NUSAP1: variants seen among roughly 807,000 people sequenced by gnomAD.
The protein encoded by NUSAP1 is nucleolar and spindle associated protein 1.
Under a neutral mutation model 52.8 loss-of-function variants are expected in NUSAP1, and 32 were observed. The observed-to-expected ratio is 0.61, with a 90% CI of 0.46 to 0.81. The LOEUF is 0.81. NUSAP1 is among the 40% of genes least tolerant of loss of function. The probability of loss-of-function intolerance (pLI) is 0.00; values close to 1 mark genes in which losing one functional copy is unlikely to be tolerated. For synonymous variants in NUSAP1, 195 were observed against 183.1 expected, an observed-to-expected ratio of 1.06 and a Z score of -0.52; for missense variants, 499 against 522.3, an observed-to-expected ratio of 0.96 and a Z score of 0.43.
intron 7 of NUSAP1, among the ~76,000 whole-genome samples, chr15:41,369,645 T>A (rs144461101): frequency 6.6e-6 from 1 of 151,192 alleles, no homozygotes; most frequent in Non-Finnish European, 1.5e-5. Flanking sequence ...CGAAACATTG[T>A]CTAAAAAAAA....
intron 6 of NUSAP1, among the ~76,000 whole-genome samples, chr15:41,361,195 A>G (rs1595573648): frequency 6.6e-6 from 1 of 152,064 alleles, no homozygotes; most frequent in African/African-American, 2.4e-5. Flanking sequence ...GGGGTTTGAG[A>G]CCAGCCTGAC....
rs762401786 is a variant in NUSAP1, at chr15:41,371,693, A to G, written c.1006+9A>G. ...GGGGAATTCTGCTGCTGGTAAAAAA[A>G]AAAAAAAACAAAAGAAATCTGTTTC... On this transcript the variant is annotated intron_variant, in intron 8 of 10. Coordinates refer to ENST00000559596, the MANE Select transcript of NUSAP1 (RefSeq NM_016359.5). The G allele has an allele frequency of 1.3e-6, 2 of 1,579,298 alleles. No homozygotes were observed. The highest frequency in any genetic ancestry group is 1.2e-5 in the South Asian group (1 of 84,112).
intron 1 of NUSAP1, among the ~76,000 whole-genome samples, chr15:41,337,240 A>G (rs1234112004): frequency 1.3e-5 from 2 of 151,900 alleles, no homozygotes; most frequent in Non-Finnish European, 2.9e-5. Context: ...TCTGGTCTCC[A>G]ACTCCTGAGA....
chr15:41,378,012 G>A (rs538648852), intron 10 of NUSAP1, among the ~76,000 whole-genome samples: 34 of 151,872 alleles, frequency 2.2e-4, no homozygotes, highest in African/African-American at 7.2e-4. Flanking sequence ...AAGTGGTATC[G>A]TGTATATAAC....
intron 6 of NUSAP1, among the ~76,000 whole-genome samples, chr15:41,362,887 T>C (rs2049234264): frequency 6.6e-6 from 1 of 152,096 alleles, no homozygotes. Context: ...GCAGGAAAAA[T>C]GCTTGAAGCC....
intron 6 of NUSAP1, among the ~76,000 whole-genome samples, chr15:41,364,884 G>A (rs1182363022): frequency 6.6e-6 from 1 of 151,560 alleles, no homozygotes; most frequent in Non-Finnish European, 1.5e-5. Flanking sequence ...AAAAAAAAAA[G>A]AAAGAAAATG....
rs143693009 is a variant in NUSAP1 at position 41,349,669 on chromosome 15, G to A, written c.306+428G>A. ...ACATGATTAGCAAGGGGCTTCCCTC[G>A]CTTGCTTTCCGTAGACTCTGGTTTT... On this transcript the variant is annotated intron_variant, in intron 3 of 10. Coordinates refer to ENST00000559596, the MANE Select transcript of NUSAP1 (RefSeq NM_016359.5). 3.8e-3 allele frequency among the ~76,000 whole-genome samples: 578 copies of A among 151,820 alleles called. 3 individuals are homozygous for A. Among genetic ancestry groups the A allele is most frequent in the African/African-American group, 0.013 (546 of 41,428 alleles).
chr15:41,340,543 G>A (rs1349295193), intron 1 of NUSAP1, among the ~76,000 whole-genome samples: 3 of 152,124 alleles, frequency 2.0e-5, no homozygotes, highest in Non-Finnish European at 4.4e-5. Context: ...AATATATGCT[G>A]ATAACTAACA....
At chr15:41,355,827 C>T (rs1050721568) in intron 4 of NUSAP1, among the ~76,000 whole-genome samples, 1 of 151,940 alleles carries the variant, frequency 6.6e-6, no homozygotes, top group Non-Finnish European at 1.5e-5. Context: ...CAGGCGCCCA[C>T]CACCACGCCC....
chr15:41,378,943 G>GTTTTTTTTTTTTTTTT (rs1453721233), intron 10 of NUSAP1, among the ~76,000 whole-genome samples: 1 of 62,824 alleles, frequency 1.6e-5, no homozygotes, highest in Admixed American at 1.8e-4. Flanking sequence ...AACTTATCTT[G>GTTTTTTTTTTTTTTTT]GTTTTTTTTT....
At chr15:41,363,151 G>T (rs1461758744) in intron 6 of NUSAP1, among the ~76,000 whole-genome samples, 1 of 151,846 alleles carries the variant, frequency 6.6e-6, no homozygotes, top group Non-Finnish European at 1.5e-5. Flanking sequence ...GCCAGACGTG[G>T]TGGCAGATGC....
chr15:41,347,987 G>A (rs1170847046), intron 2 of NUSAP1, among the ~76,000 whole-genome samples: 1 of 152,058 alleles, frequency 6.6e-6, no homozygotes, highest in Non-Finnish European at 1.5e-5. Context: ...CTTACGTGTG[G>A]TAACACATAC....
At chr15:41,379,902 C>T (rs1350582453) in intron 10 of NUSAP1, among the ~76,000 whole-genome samples, 191 bp from the exon 11 acceptor site, 1 of 152,130 alleles carries the variant, frequency 6.6e-6, no homozygotes, top group Non-Finnish European at 1.5e-5. Context: ...CAGTTTCTAA[C>T]CCTTTAACAC....
intron 4 of NUSAP1, among the ~76,000 whole-genome samples, chr15:41,354,000 G>A (rs1458472686): frequency 1.3e-5 from 2 of 152,040 alleles, no homozygotes; most frequent in African/African-American, 2.4e-5. Flanking sequence ...ATAAAGAAAC[G>A]ACAGAATTTG....
At chr15:41,336,824 A>G (rs925691182) in intron 1 of NUSAP1, among the ~76,000 whole-genome samples, 3 of 150,708 alleles carry the variant, frequency 2.0e-5, no homozygotes, top group Non-Finnish European at 3.0e-5. Context: ...TTTTCTTCTT[A>G]GTCATGAACT....
chr15:41,351,371 G>C (rs2048772856), intron 4 of NUSAP1, among the ~76,000 whole-genome samples: 1 of 152,138 alleles, frequency 6.6e-6, no homozygotes, highest in Admixed American at 6.6e-5. Context: ...CTTTGCGATG[G>C]CTGTCGACGC....
At chr15:41,379,113 G>A (rs1171978791) in intron 10 of NUSAP1, among the ~76,000 whole-genome samples, 2 of 151,290 alleles carry the variant, frequency 1.3e-5, no homozygotes, top group African/African-American at 4.9e-5. Flanking sequence ...GCCCCCGCGT[G>A]CAGCTAATTT....
chr15:41,337,994 G>A (rs1356509866), intron 1 of NUSAP1, among the ~76,000 whole-genome samples: 2 of 142,296 alleles, frequency 1.4e-5, no homozygotes, highest in African/African-American at 2.7e-5. Flanking sequence ...GTGCAGTGGC[G>A]CAATCTCGGC....
chr15:41,373,869 G>A (rs947683451), intron 8 of NUSAP1, among the ~76,000 whole-genome samples: 1 of 151,896 alleles, frequency 6.6e-6, no homozygotes, highest in Non-Finnish European at 1.5e-5. Context: ...CTGTTATCAG[G>A]GAAATAAGCT....
Sources: gnomAD v4.1 joint callset for allele counts (sites outside exome capture counted in the v4.1 genomes callset) on GRCh38, gnomAD v4.1.1 for gene constraint, MANE v1.5 for transcripts, NCBI Gene and HGNC (gene_info 2026-07-23, HGNC 2026-07-21) for gene names.